Variants in RNF152 observed in about 807,000 individuals in gnomAD.
The protein encoded by RNF152 is E3 ubiquitin-protein ligase RNF152.
RNF152 carries 11 observed loss-of-function variants against 12.7 expected under a neutral mutation model. That is an observed-to-expected ratio of 0.86 (90% CI 0.54 to 1.43). The LOEUF (loss-of-function observed/expected upper bound fraction) is 1.43, where lower values mean the gene tolerates loss of function less well. Ranked by LOEUF, RNF152 falls within the 40% of genes most tolerant of loss-of-function variation. The probability of loss-of-function intolerance (pLI) is 0.00; values close to 1 mark genes in which losing one functional copy is unlikely to be tolerated. For synonymous variants in RNF152, 113 were observed against 120.3 expected, an observed-to-expected ratio of 0.94 and a Z score of 0.40; for missense variants, 255 against 274.8, an observed-to-expected ratio of 0.93 and a Z score of 0.51.
At chr18:61,861,583 A>G (rs1330502805) in intron 1 of RNF152, among the ~76,000 whole-genome samples, 1 of 152,240 alleles carries the variant, frequency 6.6e-6, no homozygotes, top group African/African-American at 2.4e-5. Flanking sequence ...TTAGTGTCTT[A>G]GTCCATTTAG....
rs1188234399 is a variant in RNF152 at position 61,816,118 on chromosome 18, C to G, written c.346G>C (p.Asp116His). ...ISKERALLPG[D>H]MGCRLLPGSQ... Reference sequence around the variant, plus strand: ...CCGGGCAGCAGGCGGCAGCCCATGTCTCCGGGCAGCAGCGCACGCTCCTTG... The same window carrying G: ...CCGGGCAGCAGGCGGCAGCCCATGTGTCCGGGCAGCAGCGCACGCTCCTTG... The change falls in exon 2 of 2, where the codon GAC becomes CAC. Residue 116 changes from aspartate to histidine, a missense_variant. Physicochemically the swap from Asp to His is moderately conservative, Grantham distance 81. Transcript: ENST00000312828. 1 of 1,614,070 alleles carries G rather than the reference C, an allele frequency of 6.2e-7. No homozygotes were observed. The highest frequency in any genetic ancestry group is 8.5e-7 in the Non-Finnish European group (1 of 1,180,042).
intron 1 of RNF152, among the ~76,000 whole-genome samples, chr18:61,867,858 C>G (rs1599312122): frequency 1.3e-5 from 2 of 152,216 alleles, no homozygotes; most frequent in Non-Finnish European, 2.9e-5. Flanking sequence ...CCAGTGCACA[C>G]TAATTCTATA....
At chr18:61,862,754 C>T (rs1470257572) in intron 1 of RNF152, among the ~76,000 whole-genome samples, 5 of 152,162 alleles carry the variant, frequency 3.3e-5, no homozygotes, top group East Asian at 1.9e-4. Context: ...TTCTGTGAGC[C>T]GCTCCAGCAA....
At chr18:61,832,825 C>A (rs1252852434) in intron 1 of RNF152, among the ~76,000 whole-genome samples, 1 of 152,210 alleles carries the variant, frequency 6.6e-6, no homozygotes, top group Non-Finnish European at 1.5e-5. Flanking sequence ...AACATGGTTT[C>A]AATCACCAAA....
At chr18:61,878,897 T>A (rs1447394911) in intron 1 of RNF152, among the ~76,000 whole-genome samples, 2 of 152,182 alleles carry the variant, frequency 1.3e-5, no homozygotes, top group Non-Finnish European at 2.9e-5. Context: ...ACACATACAT[T>A]CAAATGATAG....
At chr18:61,826,386 T>G (rs1250085469) in intron 1 of RNF152, among the ~76,000 whole-genome samples, 1 of 152,028 alleles carries the variant, frequency 6.6e-6, no homozygotes, top group Non-Finnish European at 1.5e-5. Flanking sequence ...CAAACACACA[T>G]CTTATCACAA....
chr18:61,825,080 TAA>T (rs1003493858), intron 1 of RNF152, among the ~76,000 whole-genome samples: 1 of 152,170 alleles, frequency 6.6e-6, no homozygotes, highest in African/African-American at 2.4e-5. Context: ...AAAATCCTAC[TAA>T]GTCTTACCAG....
chr18:61,880,789 T>G (rs978986808), intron 1 of RNF152, among the ~76,000 whole-genome samples: 1 of 152,232 alleles, frequency 6.6e-6, no homozygotes, highest in Admixed American at 6.5e-5. Context: ...TAAACAACAG[T>G]TGTTCTTCAT....
intron 1 of RNF152, among the ~76,000 whole-genome samples, chr18:61,825,669 G>T (rs1488183912): frequency 6.6e-6 from 1 of 152,148 alleles, no homozygotes; most frequent in Non-Finnish European, 1.5e-5. Flanking sequence ...TGAGGGCTGA[G>T]AGTTGTGCCT....
At chr18:61,873,696 AT>A (rs1221015786) in intron 1 of RNF152, among the ~76,000 whole-genome samples, 1 of 152,192 alleles carries the variant, frequency 6.6e-6, no homozygotes, top group Non-Finnish European at 1.5e-5. Flanking sequence ...TACCACCACC[AT>A]TTGTTTCTTT....
intron 1 of RNF152, among the ~76,000 whole-genome samples, chr18:61,850,471 C>A (rs1300761464): frequency 6.6e-6 from 1 of 152,172 alleles, no homozygotes; most frequent in Admixed American, 6.5e-5. Flanking sequence ...CTTTTCTACT[C>A]TTGAAAAGCA....
At chr18:61,873,222 C>T (rs560529726) in intron 1 of RNF152, among the ~76,000 whole-genome samples, 2 of 152,284 alleles carry the variant, frequency 1.3e-5, no homozygotes, top group South Asian at 4.1e-4. Context: ...TCACAAAATG[C>T]TTAAAAGTTA....
intron 1 of RNF152, among the ~76,000 whole-genome samples, chr18:61,870,515 G>A (rs565650869): frequency 3.9e-5 from 6 of 152,206 alleles, no homozygotes; most frequent in Non-Finnish European, 5.9e-5. Flanking sequence ...AACCCCTGCC[G>A]ACTCTGTGGT....
chr18:61,831,075 T>G (rs1909917671), intron 1 of RNF152, among the ~76,000 whole-genome samples: 1 of 152,212 alleles, frequency 6.6e-6, no homozygotes, highest in Admixed American at 6.5e-5. Context: ...AAACAAAGGA[T>G]GTGGAAGAGA....
intron 1 of RNF152, among the ~76,000 whole-genome samples, chr18:61,880,680 A>G (rs920134029): frequency 3.3e-5 from 5 of 152,246 alleles, no homozygotes; most frequent in Admixed American, 2.6e-4. Flanking sequence ...AAAGGGAAAT[A>G]TCTGATAAAT....
rs968830420 is a variant in RNF152 at position 61,887,367 on chromosome 18, C to T, written c.-136+5428G>A. 2.0e-5 allele frequency among the ~76,000 whole-genome samples: 3 copies of T among 151,710 alleles called. No homozygotes were observed. In the East Asian group the frequency reaches 5.9e-4, roughly 30 times the overall value. On this transcript the variant is annotated intron_variant, in intron 1 of 1. Transcript: ENST00000312828. ...AGAAACAAGGTTCTTGACTAAGATG[C>T]GGCAGTGGCAACTGTCACTAAGTGA...
intron 1 of RNF152, among the ~76,000 whole-genome samples, chr18:61,824,511 T>C (rs1166388914): frequency 6.6e-6 from 1 of 152,218 alleles, no homozygotes; most frequent in East Asian, 1.9e-4. Context: ...GGAGTGGGCA[T>C]ATAAACTACT....
At chr18:61,829,160 C>A (rs1909813563) in intron 1 of RNF152, among the ~76,000 whole-genome samples, 1 of 152,126 alleles carries the variant, frequency 6.6e-6, no homozygotes, top group Non-Finnish European at 1.5e-5. Flanking sequence ...ACATGTTGAG[C>A]ATGTAGGGCA....
At chr18:61,826,305 A>C (rs1216835938) in intron 1 of RNF152, among the ~76,000 whole-genome samples, 1 of 152,224 alleles carries the variant, frequency 6.6e-6, no homozygotes, top group Non-Finnish European at 1.5e-5. Flanking sequence ...AACAAAGAGA[A>C]ACCCACCATA....
Sources: gnomAD v4.1 joint callset for allele counts (sites outside exome capture counted in the v4.1 genomes callset) on GRCh38, gnomAD v4.1.1 for gene constraint, MANE v1.5 for transcripts, NCBI Gene and HGNC (gene_info 2026-07-23, HGNC 2026-07-21) for gene names.